ARHGEF18: variants seen among roughly 807,000 people sequenced by gnomAD.
ARHGEF18 encodes Rho/Rac guanine nucleotide exchange factor 18.
ARHGEF18 carries 93 observed loss-of-function variants against 155.7 expected under a neutral mutation model. The ratio of observed to expected loss-of-function variants is 0.60; its 90% CI spans 0.50 to 0.71. The LOEUF (loss-of-function observed/expected upper bound fraction) is 0.71. Ranked by LOEUF, ARHGEF18 falls within the 30% of genes least tolerant of loss-of-function variation. The pLI is 0.00. For missense variants in ARHGEF18, 1,593 were observed against 1,816.1 expected (o/e 0.88, Z 2.23); for synonymous variants, 742 against 753.1 (o/e 0.99, Z 0.24).
chr19:7,403,548 TC>T (rs779559050), intron 10 of ARHGEF18, among the ~76,000 whole-genome samples: 11,199 of 148,870 alleles, frequency 0.075, 1,458 homozygotes, highest in African/African-American at 0.27. Flanking sequence ...TTTCTTTCTT[TC>T]TTTCTTTTTT....
intron 2 of ARHGEF18, among the ~76,000 whole-genome samples, chr19:7,372,411 G>C (rs1280483384): frequency 6.6e-6 from 1 of 151,932 alleles, no homozygotes; most frequent in East Asian, 1.9e-4. Flanking sequence ...GGAGAAGAGG[G>C]AAGTGAAGGA....
intron 10 of ARHGEF18, among the ~76,000 whole-genome samples, chr19:7,425,617 C>T (rs1973615259): frequency 1.4e-5 from 2 of 145,934 alleles, no homozygotes; most frequent in Admixed American, 6.9e-5. Context: ...GGGAGGTGGA[C>T]GTTGCAGTGA....
chr19:7,422,265 C>T (rs1434664550), intron 10 of ARHGEF18, among the ~76,000 whole-genome samples: 12 of 151,968 alleles, frequency 7.9e-5, no homozygotes, highest in African/African-American at 2.2e-4. Context: ...GCATGTAAAA[C>T]GCCACGCATG....
chr19:7,408,852 G>T (rs4804589), intron 10 of ARHGEF18, among the ~76,000 whole-genome samples: 2 of 151,816 alleles, frequency 1.3e-5, no homozygotes, highest in Non-Finnish European at 1.5e-5. Context: ...GACCAGCTTG[G>T]GCAACATAGT....
chr19:7,420,449 C>T (rs145890697), intron 10 of ARHGEF18, among the ~76,000 whole-genome samples: 32 of 151,902 alleles, frequency 2.1e-4, no homozygotes, highest in Non-Finnish European at 1.0e-4. Context: ...GACGTGGTTT[C>T]ATCATGTTGC....
In ARHGEF18 at chr19:7,375,278, A is replaced by G. The variant is rs955397443; in HGVS notation, c.276-442A>G. 4.9e-5 allele frequency among the ~76,000 whole-genome samples: 7 copies of G among 143,644 alleles called. 1 individual carries two copies. Among genetic ancestry groups the G allele is most frequent in the Non-Finnish European group, 1.1e-4 (7 of 64,792 alleles). The allele number at this position is 143,644 out of a possible 152,430, so 94.2% of individuals were successfully genotyped here. A position where few individuals can be genotyped will look rare whatever the true frequency, so the allele number is the denominator to read the frequency against. ...CAGAGTGAGACTCTGTCTCAAAAAAAAAAAAAGAAAGAAAAGAAAGAAAGA... is the reference window on the plus strand; with the variant it reads ...CAGAGTGAGACTCTGTCTCAAAAAAGAAAAAAGAAAGAAAAGAAAGAAAGA... On this transcript the variant is annotated intron_variant, in intron 3 of 28. Transcript: ENST00000668164.
At chr19:7,450,698 G>A (rs796816615) in intron 15 of ARHGEF18, among the ~76,000 whole-genome samples, 4 of 84 alleles carry the variant, frequency 0.048, no homozygotes, top group Non-Finnish European at 0.088. Context: ...CTTGCTGTCC[G>A]TTTCCGAGAT....
At chr19:7,456,926 G>A (rs1329945560) in intron 18 of ARHGEF18, among the ~76,000 whole-genome samples, 1 of 151,974 alleles carries the variant, frequency 6.6e-6, no homozygotes, top group Non-Finnish European at 1.5e-5. Flanking sequence ...AGTAGAGACG[G>A]GGTTTCACCA....
intron 23 of ARHGEF18, among the ~76,000 whole-genome samples, chr19:7,465,334 T>A (rs1976545017): frequency 6.6e-6 from 1 of 151,854 alleles, no homozygotes; most frequent in Non-Finnish European, 1.5e-5. Context: ...GTATTTTCAA[T>A]AATAAGCAGG....
In ARHGEF18 at chr19:7,458,704, G is replaced by A; in HGVS notation, c.2360+14G>A. On this transcript the variant is annotated intron_variant, in intron 19 of 28. Coordinates refer to ENST00000668164, the MANE Select transcript of ARHGEF18 (RefSeq NM_001367823.1). ...GGCTGTGGAGAGGTGAGGAGGGCCT[G>A]GGGGTCTCCCCACCCACTGTGTTCC... The A allele has an allele frequency of 6.2e-7, 1 of 1,601,006 alleles. No homozygotes were observed. Among genetic ancestry groups the A allele is most frequent in the Non-Finnish European group, 8.5e-7 (1 of 1,171,194 alleles).
At chr19:7,383,230 C>A in intron 10 of ARHGEF18, 27 bp downstream of exon 10, 2 of 1,232,402 alleles carry the variant, frequency 1.6e-6, no homozygotes, top group Non-Finnish European at 2.0e-6. Flanking sequence ...AATCCATCCT[C>A]CTGGAGGGCA....
intron 10 of ARHGEF18, among the ~76,000 whole-genome samples, chr19:7,387,965 C>A (rs1324869209): frequency 6.6e-6 from 1 of 151,866 alleles, no homozygotes; most frequent in Admixed American, 6.6e-5. Flanking sequence ...GTGTCTGGCT[C>A]AAGCTACATT....
At chr19:7,350,160 G>C (rs183526329) in intron 1 of ARHGEF18, among the ~76,000 whole-genome samples, 1 of 152,162 alleles carries the variant, frequency 6.6e-6, no homozygotes, top group Non-Finnish European at 1.5e-5. Flanking sequence ...GAAGGCTGCG[G>C]TTTCTGCTGG....
intron 10 of ARHGEF18, among the ~76,000 whole-genome samples, chr19:7,418,406 G>C (rs1022918605): frequency 4.6e-5 from 7 of 152,054 alleles, no homozygotes; most frequent in Non-Finnish European, 1.5e-5. Flanking sequence ...GCACAGGCGT[G>C]CACCATGCTT....
chr19:7,450,935 C>T (rs113511519), intron 15 of ARHGEF18, among the ~76,000 whole-genome samples: 2,361 of 99,130 alleles, frequency 0.024, 54 homozygotes, highest in African/African-American at 0.072. Context: ...TCTTGCTGTC[C>T]GTTTCCGAGA....
chr19:7,467,008 C>G, intron 24 of ARHGEF18, 34 bp downstream of exon 24: 1 of 1,613,252 alleles, frequency 6.2e-7, no homozygotes, highest in Non-Finnish European at 8.5e-7. Context: ...TCCCCAGGGC[C>G]TTGTGCACGC....
chr19:7,378,996 T>C, intron 6 of ARHGEF18, 126 bp from the exon 7 acceptor site: 1 of 764,698 alleles, frequency 1.3e-6, no homozygotes, highest in East Asian at 3.7e-5. Flanking sequence ...CCCGGCTGAC[T>C]GTGGCTTTGA....
intron 10 of ARHGEF18, among the ~76,000 whole-genome samples, chr19:7,412,040 T>C (rs111239855): frequency 0.012 from 1,739 of 147,264 alleles, 36 homozygotes; most frequent in African/African-American, 0.04. Flanking sequence ...GTTTGGTTTT[T>C]CTTTTTTTTT....
the ARHGEF18 span, among the ~76,000 whole-genome samples, chr19:7,478,062 C>A: frequency 3.9e-5 from 6 of 152,334 alleles, no homozygotes; most frequent in East Asian, 1.2e-3. Context: ...ATGGCCATGG[C>A]CTTCGGGAAA....
Sources: gnomAD v4.1 joint callset for allele counts (sites outside exome capture counted in the v4.1 genomes callset) on GRCh38, gnomAD v4.1.1 for gene constraint, MANE v1.5 for transcripts, NCBI Gene and HGNC (gene_info 2026-07-23, HGNC 2026-07-21) for gene names.